SGSM1: variants seen among roughly 807,000 people sequenced by gnomAD.
SGSM1 encodes RUN and TBC1 domain containing 2.
In SGSM1, 73 loss-of-function variants were observed where a neutral mutation model predicts 133.8. The observed-to-expected ratio is 0.55, with a 90% CI of 0.45 to 0.66. The LOEUF (loss-of-function observed/expected upper bound fraction) is 0.66, where lower values mean the gene tolerates loss of function less well. Among genes scored for constraint, SGSM1 ranks in the 30% least tolerant of loss-of-function variants. The probability of loss-of-function intolerance (pLI) is 0.00; values close to 1 mark genes in which losing one functional copy is unlikely to be tolerated. For missense variants in SGSM1, 1,213 were observed against 1,448.1 expected (o/e 0.84, Z 2.64); for synonymous variants, 563 against 573.0 (o/e 0.98, Z 0.25).
rs1490201756 is a variant in SGSM1, at chr22:24,898,423, A to G, written c.2474A>G (p.His825Arg). The G allele has an allele frequency of 2.5e-6, 4 of 1,613,802 alleles. No individual in the cohort carries two copies. Among genetic ancestry groups the G allele is most frequent in the East Asian group, 4.5e-5 (2 of 44,856 alleles). The change falls in exon 19 of 25, where the codon CAT becomes CGT. Residue 825 changes from histidine to arginine, a missense_variant. Physicochemically the swap from His to Arg is conservative, Grantham distance 29. Coordinates refer to ENST00000400358, the MANE Select transcript of SGSM1 (RefSeq NM_001098497.3). ...EGWRSSETEKHGQADSEDNLS... is the reference protein window; with the variant it reads ...EGWRSSETEKRGQADSEDNLS... ...TGGAGGAGCAGCGAGACAGAGAAAC[A>G]TGGCCAGGCGGACAGTGAGGACAAC... is the stretch of plus-strand genomic sequence containing the variant.
chr22:24,920,247 G>C (rs998272961), intron 24 of SGSM1, among the ~76,000 whole-genome samples: 1 of 152,130 alleles, frequency 6.6e-6, no homozygotes, highest in Admixed American at 6.5e-5. Flanking sequence ...TGGTTCTATC[G>C]CTGACCAGCT....
chr22:24,832,565 C>T (rs141433393), intron 2 of SGSM1, among the ~76,000 whole-genome samples: 143 of 152,212 alleles, frequency 9.4e-4, no homozygotes, highest in African/African-American at 3.4e-3. Flanking sequence ...GCATAATGAG[C>T]GAATAATACA....
chr22:24,919,603 T>C (rs1018381589), intron 23 of SGSM1, among the ~76,000 whole-genome samples: 10 of 152,178 alleles, frequency 6.6e-5, no homozygotes, highest in Non-Finnish European at 1.5e-4. Context: ...TCACCTGGCT[T>C]ACACAGCCCA....
At chr22:24,910,355 C>T (rs959842433) in intron 21 of SGSM1, among the ~76,000 whole-genome samples, 10 of 152,034 alleles carry the variant, frequency 6.6e-5, no homozygotes, top group Non-Finnish European at 1.0e-4. Context: ...TCTCAATAAA[C>T]CTGTTAAAAA....
intron 2 of SGSM1, among the ~76,000 whole-genome samples, chr22:24,840,914 T>G (rs763085408): frequency 4.6e-5 from 7 of 152,146 alleles, no homozygotes; most frequent in South Asian, 2.1e-4. Flanking sequence ...GCAGTGGCGC[T>G]ATCTCGGCTC....
chr22:24,851,711 G>A (rs150620211), intron 5 of SGSM1, among the ~76,000 whole-genome samples: 136 of 152,318 alleles, frequency 8.9e-4, no homozygotes, highest in African/African-American at 3.0e-3. Flanking sequence ...GCGTGGTGGC[G>A]TTGATAATTT....
intron 2 of SGSM1, among the ~76,000 whole-genome samples, chr22:24,838,687 G>A (rs1331834938): frequency 6.6e-6 from 1 of 152,022 alleles, no homozygotes; most frequent in African/African-American, 2.4e-5. Context: ...TTATATATGT[G>A]AGGTTTTAGT....
intron 15 of SGSM1, among the ~76,000 whole-genome samples, chr22:24,885,435 CTTTTTTTTTTTT>C (rs749418833): frequency 8.2e-6 from 1 of 122,048 alleles, no homozygotes; most frequent in Non-Finnish European, 1.7e-5. Context: ...CATTGAGCAC[CTTTTTTTTTTTT>C]TTTTTTTTTG....
In SGSM1 at chr22:24,848,700, A is replaced by G. The variant is rs1217861533; in HGVS notation, c.302+904A>G. 2.0e-5 allele frequency among the ~76,000 whole-genome samples: 3 copies of G among 152,228 alleles called. No individual in the cohort carries two copies. The South Asian group carries it at 6.2e-4, about 32-fold the overall frequency. ...AATGTGCTGTGATTCTGAAGCTGTG[A>G]TTGGGCGTTCTGGGGAAAAGCACAT... On this transcript the variant is annotated intron_variant, in intron 4 of 24. Transcript: ENST00000400358.
intron 18 of SGSM1, 124 bp from the exon 19 acceptor site, chr22:24,897,848 T>C: frequency 1.2e-6 from 1 of 806,370 alleles, no homozygotes; most frequent in Non-Finnish European, 2.0e-6. Flanking sequence ...GACTGTATGG[T>C]ATTCCACTGC....
chr22:24,866,254 T>C (rs1931450230), intron 9 of SGSM1, among the ~76,000 whole-genome samples: 1 of 152,184 alleles, frequency 6.6e-6, no homozygotes, highest in African/African-American at 2.4e-5. Context: ...CTTCAAATAC[T>C]TGATTCTATT....
intron 22 of SGSM1, among the ~76,000 whole-genome samples, chr22:24,914,708 C>A (rs924917531): frequency 2.0e-5 from 3 of 152,120 alleles, no homozygotes; most frequent in African/African-American, 7.2e-5. Flanking sequence ...GGTATGAACT[C>A]TTGTGCAGCT....
chr22:24,911,416 C>G (rs541536058), intron 21 of SGSM1, among the ~76,000 whole-genome samples: 6 of 151,482 alleles, frequency 4.0e-5, no homozygotes, highest in Admixed American at 1.3e-4. Context: ...CTCAGCCTCC[C>G]GAGTAGCTGG....
At chr22:24,901,123 A>G (rs1569171402) in intron 19 of SGSM1, 3 of 152,226 alleles carry the variant, frequency 2.0e-5, no homozygotes, top group African/African-American at 7.2e-5. Flanking sequence ...TTCAAGGTAT[A>G]ATCAGTCAGG....
At chr22:24,841,103 G>T (rs571817687) in intron 2 of SGSM1, among the ~76,000 whole-genome samples, 1 of 152,164 alleles carries the variant, frequency 6.6e-6, no homozygotes, top group Admixed American at 6.5e-5. Context: ...GCCCGCCTTG[G>T]CCTCCCAAAG....
intron 19 of SGSM1, among the ~76,000 whole-genome samples, chr22:24,899,678 C>T (rs559872771): frequency 2.4e-4 from 36 of 152,030 alleles, no homozygotes; most frequent in Non-Finnish European, 3.8e-4. Context: ...CCCGCCACCA[C>T]GCCCGGCTAA....
rs1213945989 is a variant in SGSM1, at chr22:24,909,796, G to A, written c.2819-2847G>A. ...AAAAACAGTCTGGCAGTTTCTCATA[G>A]TAATAAACATAGAGTTATCATACGA... On this transcript the variant is annotated intron_variant, in intron 21 of 24. Transcript: ENST00000400358. Among the ~76,000 whole-genome samples the A allele has an allele frequency of 4.6e-5, 7 of 152,048 alleles. No individual in the cohort carries two copies. In the East Asian group the frequency reaches 1.3e-3, roughly 29 times the overall value.
intron 2 of SGSM1, among the ~76,000 whole-genome samples, chr22:24,825,050 G>T (rs1444451944): frequency 2.0e-5 from 3 of 152,206 alleles, no homozygotes; most frequent in Admixed American, 1.3e-4. Context: ...CATGGAAGAG[G>T]CACACTTATC....
In SGSM1 at chr22:24,866,264, T is replaced by G. The variant is rs78829788; in HGVS notation, c.927-829T>G. Among the ~76,000 whole-genome samples, 462 of 152,344 alleles carry G rather than the reference T, an allele frequency of 3.0e-3. 4 individuals carry two copies. The highest frequency in any genetic ancestry group is 0.011 in the African/African-American group (450 of 41,580). On this transcript the variant is annotated intron_variant, in intron 9 of 24. Coordinates refer to ENST00000400358, the MANE Select transcript of SGSM1 (RefSeq NM_001098497.3). ...GAGCCCTTCAAATACTTGATTCTAT[T>G]TAATTCTCACAGCAACACAATGGGG... is the stretch of plus-strand genomic sequence containing the variant.
Sources: allele counts gnomAD v4.1 joint callset (sites outside exome capture counted in the v4.1 genomes callset), GRCh38; gene constraint gnomAD v4.1.1; transcripts MANE v1.5; gene names NCBI Gene and HGNC (gene_info 2026-07-23, HGNC 2026-07-21).